FAM186A: variants seen among roughly 807,000 people sequenced by gnomAD.
The protein encoded by FAM186A is family with sequence similarity 186 member A.
FAM186A carries 163 observed loss-of-function variants against 216.8 expected under a neutral mutation model. That is an observed-to-expected ratio of 0.75 (90% CI 0.66 to 0.86). FAM186A has a LOEUF of 0.86. Among genes scored for constraint, FAM186A ranks in the 40% least tolerant of loss-of-function variants. The pLI, the probability that FAM186A is intolerant of heterozygous loss-of-function variation, is 0.00. For synonymous variants in FAM186A, 805 were observed against 1,025.3 expected, an observed-to-expected ratio of 0.79 and a Z score of 4.10; for missense variants, 2,184 against 2,746.2, an observed-to-expected ratio of 0.80 and a Z score of 4.58.
rs1942885841 is a variant in FAM186A, at chr12:50,351,830, T to G, written c.5002A>C (p.Thr1668Pro). Residue 1668 changes from threonine (T) to proline (P), a missense_variant, in exon 4 of 8, where the codon ACC (threonine) becomes CCC (proline). Physicochemically the swap from Thr to Pro is conservative, Grantham distance 38. This residue lies in a region of FAM186A where 721 missense variants were observed against 816.4 expected (regional missense o/e 0.88). Coordinates refer to ENST00000327337, the MANE Select transcript of FAM186A (RefSeq NM_001145475.3). ...VSAVTLTSEQ[T>P]HALESPMNLE... ...TTCATAGGGGACTCCAAAGCGTGGG[T>G]TTGCTCAGAGGTAAGAGTGACAGCT... is the stretch of plus-strand genomic sequence containing the variant. 5.2e-6 allele frequency: 8 copies of G among 1,545,254 alleles called. No homozygotes were observed. Among genetic ancestry groups the G allele is most frequent in the Admixed American group, 2.0e-5 (1 of 50,404 alleles).
rs12297653 is a variant in FAM186A at position 50,352,074 on chromosome 12, T to G, written c.4758A>C (p.Glu1586Asp). The change falls in exon 4 of 8, where the codon GAA becomes GAC. Residue 1586 changes from glutamate to aspartate, a missense_variant. Physicochemically the swap from Glu to Asp is conservative, Grantham distance 45. Around this residue, in one of 7 missense-constraint regions of FAM186A, gnomAD observed 16 missense variants for 91.3 expected, o/e 0.18. Transcript: ENST00000327337. ...GIPLTPQQAQ[E>D]LGIPLTPQQA... ...GCTGAGGGGTGAGAGGGATCCCCAGTTCCTGCGCCTGCTGAGGGGTGAGAG... is the reference window on the plus strand; with the variant it reads ...GCTGAGGGGTGAGAGGGATCCCCAGGTCCTGCGCCTGCTGAGGGGTGAGAG... The G allele has an allele frequency of 0.016, 9,754 of 605,504 alleles. 849 individuals carry two copies. The highest frequency in any genetic ancestry group is 0.047 in the African/African-American group (1,259 of 26,720). 37.5% of individuals were successfully genotyped at this position (605,504 alleles called of 1,614,324 possible). A position where few individuals can be genotyped will look rare whatever the true frequency, so the allele number is the denominator to read the frequency against.
chr12:50,367,842 A>C (rs1215101153), intron 1 of FAM186A, among the ~76,000 whole-genome samples: 1 of 152,196 alleles, frequency 6.6e-6, no homozygotes, highest in Non-Finnish European at 1.5e-5. Flanking sequence ...GCCATTTATA[A>C]TAGCATCAAA....
Position 50,354,378 on chromosome 12 carries a change from C to T in FAM186A, c.2454G>A (p.Lys818=), listed in dbSNP as rs1302328207. The change falls in exon 4 of 8, where the codon AAG becomes AAA. Residue 818 remains lysine (K), a synonymous_variant. Coordinates refer to ENST00000327337, the MANE Select transcript of FAM186A (RefSeq NM_001145475.3). The part of the protein sequence containing the change: ...VSTVQKDHKE[K]EKQRQEQYLQ... ...AATATTGCTCCTGCCTTTGTTTTTC[C>T]TTCTCCTTGTGGTCTTTCTGTACTG... is the stretch of plus-strand genomic sequence containing the variant. 6.4e-7 allele frequency: 1 copy of T among 1,551,510 alleles called. No individual in the cohort carries two copies.
intron 4 of FAM186A, among the ~76,000 whole-genome samples, chr12:50,344,874 G>T (rs2138767391): frequency 6.6e-6 from 1 of 152,278 alleles, no homozygotes; most frequent in South Asian, 2.1e-4. Flanking sequence ...CTCGGAGGCT[G>T]ATATGGGAAA....
intron 3 of FAM186A, among the ~76,000 whole-genome samples, chr12:50,357,362 C>T (rs186688172): frequency 4.6e-5 from 7 of 151,984 alleles, no homozygotes; most frequent in East Asian, 1.9e-4. Flanking sequence ...ATTAGCCAGG[C>T]GTGGTGGCGC....
rs891394675 is a variant in FAM186A at position 50,384,253 on chromosome 12, T to C, written c.192+12040A>G. Among the ~76,000 whole-genome samples, 5 of 151,618 alleles carry C rather than the reference T, an allele frequency of 3.3e-5. No homozygotes were observed. The South Asian group carries it at 6.2e-4, about 19-fold the overall frequency. On this transcript the variant is annotated intron_variant, in intron 1 of 7. Transcript: ENST00000327337. ...GAGTTCAAGACCAGCCCGGGCAACA[T>C]AGGAGACCCTGTCTCTACAAAAATT... is the stretch of plus-strand genomic sequence containing the variant.
chr12:50,391,245 C>T (rs1230589941), intron 1 of FAM186A, among the ~76,000 whole-genome samples: 1 of 150,202 alleles, frequency 6.7e-6, no homozygotes, highest in Non-Finnish European at 1.5e-5. Context: ...CCACCCTTGT[C>T]GGCCTCCCAA....
chr12:50,386,989 T>G (rs1943310726), intron 1 of FAM186A, among the ~76,000 whole-genome samples: 1 of 152,122 alleles, frequency 6.6e-6, no homozygotes, highest in African/African-American at 2.4e-5. Context: ...GTTATCAACT[T>G]ATTAACACAG....
intron 1 of FAM186A, among the ~76,000 whole-genome samples, chr12:50,375,492 C>T (rs968452799): frequency 2.0e-5 from 3 of 148,780 alleles, no homozygotes; most frequent in South Asian, 2.1e-4. Flanking sequence ...GAGGTTGCAG[C>T]GAGCCGAGAT....
chr12:50,330,006 TATTAAATA>T, intron 7 of FAM186A, among the ~76,000 whole-genome samples: 1 of 152,320 alleles, frequency 6.6e-6, no homozygotes, highest in Non-Finnish European at 1.5e-5. Flanking sequence ...TGATTTAGAA[TATTAAATA>T]ATTATCTGTC....
chr12:50,359,507 T>G (rs1943011548), intron 3 of FAM186A, among the ~76,000 whole-genome samples: 1 of 152,162 alleles, frequency 6.6e-6, no homozygotes, highest in Non-Finnish European at 1.5e-5. Context: ...GGAAAACAGT[T>G]AAGAGTTTCT....
chr12:50,385,146 G>A (rs1395137835), intron 1 of FAM186A, among the ~76,000 whole-genome samples: 6 of 150,874 alleles, frequency 4.0e-5, no homozygotes, highest in South Asian at 4.2e-4. Context: ...ATGGCCTGGC[G>A]TGGTGGCTCA....
chr12:50,396,267 C>T lies in FAM186A; in HGVS notation c.192+26G>A, dbSNP rs1471993500. 8 of 1,471,418 alleles carry T rather than the reference C, an allele frequency of 5.4e-6. No individual in the cohort carries two copies. In the South Asian group the frequency reaches 1.1e-4, roughly 21 times the overall value. 91.1% of individuals were successfully genotyped at this position (1,471,418 alleles called of 1,614,324 possible). On this transcript the variant is annotated intron_variant, in intron 1 of 7. Coordinates refer to ENST00000327337, the MANE Select transcript of FAM186A (RefSeq NM_001145475.3). ...GAAAGTTTAAAAAGAAAATTGCAGT[C>T]TGTAAACTTCAGATTCACTACCTAC...
intron 7 of FAM186A, 117 bp from the exon 8 acceptor site, chr12:50,327,521 G>C: frequency 3.4e-6 from 2 of 588,196 alleles, no homozygotes; most frequent in Non-Finnish European, 6.0e-6. Context: ...AGATAAACTA[G>C]TAAAATCTGT....
In FAM186A at chr12:50,350,425, G is replaced by C; in HGVS notation, c.6407C>G (p.Ala2136Gly). 1 of 1,551,464 alleles carries C rather than the reference G, an allele frequency of 6.4e-7. No homozygotes were observed. Among genetic ancestry groups the C allele is most frequent in the Non-Finnish European group, 8.7e-7 (1 of 1,146,958 alleles). Residue 2136 changes from alanine (A) to glycine (G), a missense_variant, in exon 4 of 8, where the codon GCT becomes GGT. This residue lies in a region of FAM186A where 721 missense variants were observed against 816.4 expected (regional missense o/e 0.88). Transcript: ENST00000327337. ...CGLPSQLHTM[A>G]RTLIIEILHM... is the part of the protein sequence containing the mutation. ...AAGTATCTCAATTATGAGAGTCCTA[G>C]CCATTGTGTGTAGCTGTGAAGGGAG... is the stretch of plus-strand genomic sequence containing the variant.
intron 1 of FAM186A, among the ~76,000 whole-genome samples, chr12:50,375,498 G>A (rs576448811): frequency 6.6e-6 from 1 of 150,588 alleles, no homozygotes; most frequent in East Asian, 2.0e-4. Context: ...GCAGCGAGCC[G>A]AGATTGCACC....
chr12:50,393,094 T>G (rs1943376641), intron 1 of FAM186A, among the ~76,000 whole-genome samples: 1 of 150,966 alleles, frequency 6.6e-6, no homozygotes, highest in Non-Finnish European at 1.5e-5. Context: ...GCCCGGCTAA[T>G]TTTTTGTATT....
chr12:50,369,415 C>T (rs6580743), intron 1 of FAM186A, among the ~76,000 whole-genome samples: 50,079 of 146,508 alleles, frequency 0.34, 8,660 homozygotes, highest in South Asian at 0.5. Flanking sequence ...TACTTGAACC[C>T]GGGAGGCAGA....
chr12:50,342,753 G>A (rs1030374401), intron 4 of FAM186A, among the ~76,000 whole-genome samples: 58 of 145,728 alleles, frequency 4.0e-4, no homozygotes, highest in Admixed American at 1.4e-3. Flanking sequence ...GATTACAGGC[G>A]TGAGCCACCG....
Sources: gnomAD v4.1 joint callset for allele counts (sites outside exome capture counted in the v4.1 genomes callset) on GRCh38, gnomAD v4.1.1 for gene constraint, gnomAD v4.1.1 regional missense constraint, MANE v1.5 for transcripts, NCBI Gene and HGNC (gene_info 2026-07-23, HGNC 2026-07-21) for gene names.